Variants in PDCD6IP observed in about 807,000 individuals in gnomAD.
PDCD6IP encodes programmed cell death 6-interacting protein.
PDCD6IP carries 43 observed loss-of-function variants against 103.7 expected under a neutral mutation model. The observed-to-expected ratio is 0.41, with a 90% CI of 0.32 to 0.53. The LOEUF is 0.53. Among genes scored for constraint, PDCD6IP ranks in the 20% least tolerant of loss-of-function variants. The pLI is 0.16. For synonymous variants in PDCD6IP, 354 were observed against 378.7 expected (o/e 0.93, Z 0.76); for missense variants, 871 against 1,036.7 (o/e 0.84, Z 2.20).
chr3:33,841,462 G>A (rs1448420798), intron 9 of PDCD6IP, among the ~76,000 whole-genome samples: 2 of 101,752 alleles, frequency 2.0e-5, no homozygotes, highest in South Asian at 3.4e-4. Flanking sequence ...TTTTTGAGAC[G>A]GAGTTTCGCT....
At chr3:33,863,600 A>G (rs993493279) in intron 15 of PDCD6IP, among the ~76,000 whole-genome samples, 28 of 152,144 alleles carry the variant, frequency 1.8e-4, no homozygotes, top group Admixed American at 1.8e-3. Context: ...GAATTTCATT[A>G]TATTTTTTAT....
At chr3:33,800,860 A>G (rs907578706) in intron 1 of PDCD6IP, among the ~76,000 whole-genome samples, 2 of 152,194 alleles carry the variant, frequency 1.3e-5, no homozygotes, top group African/African-American at 4.8e-5. Context: ...GTTTTAAGCT[A>G]ACAGACATGG....
intron 7 of PDCD6IP, among the ~76,000 whole-genome samples, chr3:33,829,990 T>A (rs1697212364): frequency 6.6e-6 from 1 of 152,150 alleles, no homozygotes; most frequent in Admixed American, 6.5e-5. Flanking sequence ...ACTAACCCTC[T>A]CCCATGATAA....
chr3:33,816,217 C>T (rs56222100), intron 3 of PDCD6IP, among the ~76,000 whole-genome samples: 1 of 152,018 alleles, frequency 6.6e-6, no homozygotes, highest in African/African-American at 2.4e-5. Flanking sequence ...TTGGAAATAT[C>T]TCCGGGTGGC....
chr3:33,821,029 C>A (rs945646438), intron 3 of PDCD6IP, among the ~76,000 whole-genome samples: 1 of 152,064 alleles, frequency 6.6e-6, no homozygotes, highest in African/African-American at 2.4e-5. Flanking sequence ...TATTTTGAGA[C>A]AGGGTCTTGC....
At chr3:33,856,737 G>A (rs1387139427) in intron 15 of PDCD6IP, among the ~76,000 whole-genome samples, 3 of 152,148 alleles carry the variant, frequency 2.0e-5, no homozygotes, top group Non-Finnish European at 4.4e-5. Flanking sequence ...AAACAGTCAA[G>A]CCAGTTTATA....
intron 15 of PDCD6IP, 151 bp from the exon 16 acceptor site, chr3:33,863,855 G>A (rs941253353): frequency 3.2e-6 from 2 of 628,082 alleles, no homozygotes; most frequent in Non-Finnish European, 5.7e-6. Flanking sequence ...CATAGTCACT[G>A]TACTAATTTG....
intron 1 of PDCD6IP, chr3:33,799,165 T>G (rs1451092098): frequency 1.8e-6 from 1 of 568,796 alleles, no homozygotes; most frequent in Non-Finnish European, 3.1e-6. Flanking sequence ...TAGCCCTTGG[T>G]CGGCGAGGGC....
At chr3:33,819,214 A>T (rs952014437) in intron 3 of PDCD6IP, among the ~76,000 whole-genome samples, 12 of 151,826 alleles carry the variant, frequency 7.9e-5, no homozygotes, top group East Asian at 1.9e-4. Context: ...TTGAAAAAAA[A>T]TTTTTTTTCC....
At chr3:33,819,408 T>C (rs1696937531) in intron 3 of PDCD6IP, among the ~76,000 whole-genome samples, 1 of 152,220 alleles carries the variant, frequency 6.6e-6, no homozygotes, top group Non-Finnish European at 1.5e-5. Context: ...TCTTTATTTA[T>C]TTTGGGCTTA....
chr3:33,831,854 C>CT (rs1459377545), intron 7 of PDCD6IP, among the ~76,000 whole-genome samples: 1 of 152,046 alleles, frequency 6.6e-6, no homozygotes, highest in Admixed American at 6.6e-5. Context: ...TGTGTACCTT[C>CT]TTTTCTCATA....
At position 33,852,709 on chromosome 3, in the gene PDCD6IP, A is replaced by G; in HGVS notation, c.1863A>G (p.Lys621=). The part of the protein sequence containing the change: ...LTTKVQESLK[K]QEGLLKNIQV... The stretch of plus-strand genomic sequence containing the variant: ...CTAAAGTCCAAGAATCTCTAAAGAA[A>G]CAGGAGGGACTTCTTAAAAATATTC... The change falls in exon 13 of 18, where the codon AAA becomes AAG. Residue 621 remains lysine, a synonymous_variant. Coordinates refer to ENST00000307296, the MANE Select transcript of PDCD6IP (RefSeq NM_013374.6). 2 of 1,582,868 alleles carry G rather than the reference A, an allele frequency of 1.3e-6. No individual in the cohort carries two copies. The highest frequency in any genetic ancestry group is 1.7e-6 in the Non-Finnish European group (2 of 1,171,572).
chr3:33,810,738 C>G (rs567341551), intron 1 of PDCD6IP, among the ~76,000 whole-genome samples: 1 of 152,246 alleles, frequency 6.6e-6, no homozygotes, highest in African/African-American at 2.4e-5. Context: ...CCTGGGAGTT[C>G]AAGGTTACCG....
intron 4 of PDCD6IP, among the ~76,000 whole-genome samples, chr3:33,822,724 C>T (rs1177800519): frequency 2.0e-5 from 3 of 152,096 alleles, no homozygotes; most frequent in African/African-American, 7.2e-5. Context: ...GGCACAATCT[C>T]GGCTCACTGC....
At chr3:33,800,186 C>G (rs1696443060) in intron 1 of PDCD6IP, among the ~76,000 whole-genome samples, 1 of 150,958 alleles carries the variant, frequency 6.6e-6, no homozygotes, top group Non-Finnish European at 1.5e-5. Context: ...AGGGATATTC[C>G]TTCCTTAGCT....
chr3:33,821,298 C>T (rs796769993), intron 3 of PDCD6IP, among the ~76,000 whole-genome samples: 12 of 152,206 alleles, frequency 7.9e-5, no homozygotes, highest in African/African-American at 2.9e-4. Flanking sequence ...GAGTGAGCCA[C>T]CATGCCCAAC....
intron 1 of PDCD6IP, 176 bp downstream of exon 1, chr3:33,799,113 G>C (rs1696407863): frequency 1.5e-6 from 1 of 651,014 alleles, no homozygotes. Flanking sequence ...CGCCCTGCAG[G>C]CCCGCTGTGA....
chr3:33,852,788 T>G, intron 13 of PDCD6IP, 52 bp downstream of exon 13: 1 of 1,523,958 alleles, frequency 6.6e-7, no homozygotes, highest in Non-Finnish European at 8.8e-7. Context: ...ACAGAAAAGA[T>G]ATGTCTGGAC....
chr3:33,859,403 G>T (rs539958360), intron 15 of PDCD6IP, among the ~76,000 whole-genome samples: 28 of 151,956 alleles, frequency 1.8e-4, no homozygotes, highest in Admixed American at 1.6e-3. Flanking sequence ...ACAGAGTCAG[G>T]ATATGACAAA....
Sources: gnomAD v4.1 joint callset for allele counts (sites outside exome capture counted in the v4.1 genomes callset) on GRCh38, gnomAD v4.1.1 for gene constraint, MANE v1.5 for transcripts, NCBI Gene and HGNC (gene_info 2026-07-23, HGNC 2026-07-21) for gene names.